ROPN1L: variants seen among roughly 807,000 people sequenced by gnomAD.
ROPN1L encodes the protein rhophilin associated tail protein 1 like, also known as ropporin-1-like protein.
In ROPN1L, 23 loss-of-function variants were observed where a neutral mutation model predicts 22.7. The observed-to-expected ratio is 1.01, with a 90% confidence interval of 0.73 to 1.43. The LOEUF is 1.43. ROPN1L is among the 40% of genes most tolerant of loss of function. The probability of loss-of-function intolerance (pLI) is 0.00; values close to 1 mark genes in which losing one functional copy is unlikely to be tolerated. For missense variants in ROPN1L, 271 were observed against 291.5 expected, an observed-to-expected ratio of 0.93 and a Z score of 0.51; for synonymous variants, 116 against 117.8, an observed-to-expected ratio of 0.98 and a Z score of 0.10.
chr5:10,442,177 C>T lies in ROPN1L; in HGVS notation c.10C>T (p.Pro4Ser). Residue 4 changes from proline to serine, a missense_variant, in exon 1 of 5, where the codon CCC becomes TCC. Pro to Ser is a moderately conservative substitution (Grantham distance 74, BLOSUM62 -1). Transcript: ENST00000274134. Reference sequence around the variant, plus strand: ...CCTTCTGCGGAGAGCGATGCCGCTTCCCGACACCATGTTCTGCGCTCAGCA... The same window carrying T: ...CCTTCTGCGGAGAGCGATGCCGCTTTCCGACACCATGTTCTGCGCTCAGCA... MPLPDTMFCAQQIH... is the reference protein window; with the variant it reads MPLSDTMFCAQQIH... 1 of 1,613,558 alleles carries T rather than the reference C, an allele frequency of 6.2e-7. No individual in the cohort carries two copies. Among genetic ancestry groups the T allele is most frequent in the Non-Finnish European group, 8.5e-7 (1 of 1,179,700 alleles).
downstream of ROPN1L, among the ~76,000 whole-genome samples, chr5:10,476,892 G>A (rs1735324663): frequency 1.3e-5 from 2 of 152,248 alleles, no homozygotes; most frequent in African/African-American, 4.8e-5. Flanking sequence ...CAGCTAGTAA[G>A]TCTTGGATCT....
chr5:10,463,235 G>A (rs913111010), intron 4 of ROPN1L, among the ~76,000 whole-genome samples: 49 of 152,232 alleles, frequency 3.2e-4, no homozygotes, highest in African/African-American at 1.2e-3. Flanking sequence ...TTTTAAACAA[G>A]ATTAATGAAT....
intron 1 of ROPN1L, among the ~76,000 whole-genome samples, chr5:10,446,903 T>A (rs1741086314): frequency 1.3e-5 from 2 of 152,178 alleles, no homozygotes; most frequent in African/African-American, 4.8e-5. Flanking sequence ...TTTAGGTCTT[T>A]AGGTTCACAT....
chr5:10,442,031 C>T lies in ROPN1L; in HGVS notation c.-137C>T, dbSNP rs188816627. On this transcript the variant is annotated 5_prime_UTR_variant, in exon 1 of 5. Transcript: ENST00000274134. ...AAGAGCCCCGCGAATCCGGCCCCAA[C>T]CTCGGGAACGGGATGGGAGGCGGCC... 134 of 1,269,602 alleles carry T rather than the reference C, an allele frequency of 1.1e-4. No homozygotes were observed. The Admixed American group carries it at 3.1e-3, about 29-fold the overall frequency. 78.6% of individuals were successfully genotyped at this position (1,269,602 alleles called of 1,614,324 possible). A position where few individuals can be genotyped will look rare whatever the true frequency, so the allele number is the denominator to read the frequency against.
At chr5:10,476,791 A>G (rs576960555), downstream of ROPN1L, among the ~76,000 whole-genome samples, 3 of 152,388 alleles carry the variant, frequency 2.0e-5, no homozygotes, top group South Asian at 6.2e-4. Flanking sequence ...ATAATAATGT[A>G]TCTAATTCTC....
intron 2 of ROPN1L, 86 bp from the exon 3 acceptor site, chr5:10,449,866 C>G (rs1452781336): frequency 8.5e-7 from 1 of 1,178,246 alleles, no homozygotes; most frequent in African/African-American, 1.6e-5. Context: ...GGGCGGGTTA[C>G]TTGGTGTGTG....
In ROPN1L at chr5:10,448,134, C is replaced by T. The variant is rs900257828; in HGVS notation, c.132-126C>T. 6 of 1,054,608 alleles carry T rather than the reference C, an allele frequency of 5.7e-6. No individual in the cohort carries two copies. In the African/African-American group the frequency reaches 7.9e-5, roughly 14 times the overall value. 65.3% of individuals were successfully genotyped at this position (1,054,608 alleles called of 1,614,324 possible). ...AAGTGGAGGAACCAGGACATAAGCC[C>T]GGGATGTTGGTCTTCAGAGCTGTCC... On this transcript the variant is annotated intron_variant, in intron 1 of 4. Transcript: ENST00000274134.
chr5:10,476,970 A>G (rs1735325637), downstream of ROPN1L, among the ~76,000 whole-genome samples: 1 of 152,236 alleles, frequency 6.6e-6, no homozygotes, highest in African/African-American at 2.4e-5. Flanking sequence ...GTAGTGCATC[A>G]TATAGTAAAT....
chr5:10,466,981 C>T (rs1735165951), downstream of ROPN1L, among the ~76,000 whole-genome samples: 1 of 152,146 alleles, frequency 6.6e-6, no homozygotes, highest in Admixed American at 6.5e-5. Flanking sequence ...GTTTCCTCTT[C>T]TTATTAGAAC....
downstream of ROPN1L, among the ~76,000 whole-genome samples, chr5:10,465,191 A>G (rs1168214350): frequency 6.6e-6 from 1 of 152,242 alleles, no homozygotes; most frequent in African/African-American, 2.4e-5. Context: ...TGGAGACTGC[A>G]GAGTCAGAAG....
In ROPN1L at chr5:10,442,305, G is replaced by T; in HGVS notation, c.131+7G>T. On this transcript the variant is annotated splice_region_variant and intron_variant, in intron 1 of 4. Transcript: ENST00000274134. ...TGCTGCGGTGGTCCGCGGGGTAAGCGCCCTTGGCCCGGGGAGCTGTCCGGT... is the reference window on the plus strand; with the variant it reads ...TGCTGCGGTGGTCCGCGGGGTAAGCTCCCTTGGCCCGGGGAGCTGTCCGGT... 6 of 1,612,428 alleles carry T rather than the reference G, an allele frequency of 3.7e-6. No individual in the cohort carries two copies. Among genetic ancestry groups the T allele is most frequent in the Non-Finnish European group, 5.1e-6 (6 of 1,179,630 alleles).
chr5:10,454,007 G>A (rs1741340138), intron 3 of ROPN1L, among the ~76,000 whole-genome samples: 1 of 152,226 alleles, frequency 6.6e-6, no homozygotes, highest in Non-Finnish European at 1.5e-5. Context: ...AGCTGCCCCA[G>A]GCAGGTGAAC....
In ROPN1L at chr5:10,442,132, C is replaced by A. The variant is rs754917814; in HGVS notation, c.-36C>A. On this transcript the variant is annotated 5_prime_UTR_variant, in exon 1 of 5. Transcript: ENST00000274134. ...GCCGCCCTTCTTCCTCGCAGCGCGCCGCGATTCACCAGCCTGGTCCCTTCT... is the reference window on the plus strand; with the variant it reads ...GCCGCCCTTCTTCCTCGCAGCGCGCAGCGATTCACCAGCCTGGTCCCTTCT... The A allele has an allele frequency of 3.8e-6, 6 of 1,586,672 alleles. No homozygotes were observed. The highest frequency in any genetic ancestry group is 5.2e-6 in the Non-Finnish European group (6 of 1,159,400).
intron 3 of ROPN1L, among the ~76,000 whole-genome samples, chr5:10,455,430 G>A (rs1176951742): frequency 2.0e-5 from 3 of 152,202 alleles, no homozygotes; most frequent in Non-Finnish European, 4.4e-5. Flanking sequence ...AGCTGTCCCT[G>A]AAGACGAAGG....
intron 3 of ROPN1L, among the ~76,000 whole-genome samples, chr5:10,450,559 C>T (rs934332229): frequency 3.9e-5 from 6 of 152,090 alleles, no homozygotes; most frequent in Non-Finnish European, 7.4e-5. Flanking sequence ...AGTACAATGG[C>T]GCAATCTCGG....
chr5:10,456,284 C>G (rs570484442), intron 3 of ROPN1L, among the ~76,000 whole-genome samples: 15 of 152,124 alleles, frequency 9.9e-5, no homozygotes, highest in Non-Finnish European at 1.8e-4. Context: ...GTCAGGAGTT[C>G]GGGACCAGCC....
chr5:10,448,185 G>A lies in ROPN1L; in HGVS notation c.132-75G>A, dbSNP rs759695444. On this transcript the variant is annotated intron_variant, in intron 1 of 4. Transcript: ENST00000274134. ...TTCCTAATCACCGTTGTTTTGGGGG[G>A]TTATTTAAGAAATTGGATCGCATAG... The A allele has an allele frequency of 6.4e-6, 10 of 1,561,858 alleles. No individual in the cohort carries two copies. The Admixed American group carries it at 6.8e-5, about 11-fold the overall frequency.
At chr5:10,481,867 T>C in the ROPN1L span, 1 of 152,196 alleles carries the variant, frequency 6.6e-6, no homozygotes, top group South Asian at 2.1e-4. Flanking sequence ...TGCTCTCTGC[T>C]CTGTAGGGAG....
At chr5:10,479,607 G>A in the ROPN1L span, among the ~76,000 whole-genome samples, 2 of 152,188 alleles carry the variant, frequency 1.3e-5, no homozygotes, top group Non-Finnish European at 1.5e-5. Flanking sequence ...GGACTCGGCT[G>A]GCAGCTGCTT....
Sources: allele counts gnomAD v4.1 joint callset (sites outside exome capture counted in the v4.1 genomes callset), GRCh38; gene constraint gnomAD v4.1.1; transcripts MANE v1.5; gene names NCBI Gene and HGNC (gene_info 2026-07-23, HGNC 2026-07-21).